The following SLC24A2 variants were observed in gnomAD, a reference collection of about 807,000 sequenced individuals.
SLC24A2 encodes the protein sodium/potassium/calcium exchanger 2.
A neutral mutation model predicts 62.0 loss-of-function variants in SLC24A2; 36 were observed. The ratio of observed to expected loss-of-function variants is 0.58; its 90% CI spans 0.44 to 0.77. The LOEUF (loss-of-function observed/expected upper bound fraction) is 0.77. Ranked by LOEUF, SLC24A2 falls within the 30% of genes least tolerant of loss-of-function variation. SLC24A2 has a pLI of 0.00. For missense variants in SLC24A2, 846 were observed against 817.9 expected (o/e 1.03, Z -0.42); for synonymous variants, 358 against 294.0 (o/e 1.22, Z -2.23).
chr9:20,092,200 C>T, the SLC24A2 span, among the ~76,000 whole-genome samples: 63 of 152,304 alleles, frequency 4.1e-4, 1 homozygote, highest in African/African-American at 1.5e-3. Context: ...ATGAGTTTAC[C>T]TGTGTAACAA....
At chr9:20,197,661 G>T in the SLC24A2 span, among the ~76,000 whole-genome samples, 10 of 151,874 alleles carry the variant, frequency 6.6e-5, no homozygotes, top group African/African-American at 2.4e-4. Flanking sequence ...TGAACTCCTG[G>T]CCTCAAGTGA....
chr9:19,897,462 G>A, the SLC24A2 span, among the ~76,000 whole-genome samples: 41 of 151,968 alleles, frequency 2.7e-4, no homozygotes, highest in Admixed American at 7.2e-4. Flanking sequence ...CAAACCCAGA[G>A]CAATCACAAT....
intron 2 of SLC24A2, among the ~76,000 whole-genome samples, chr9:19,667,178 A>C (rs1368870361): frequency 6.6e-6 from 1 of 152,218 alleles, no homozygotes; most frequent in Non-Finnish European, 1.5e-5. Flanking sequence ...TAACGAAAGA[A>C]AGAAGTTGCT....
intron 2 of SLC24A2, among the ~76,000 whole-genome samples, chr9:19,664,756 G>T (rs1819200627): frequency 6.6e-6 from 1 of 152,172 alleles, no homozygotes; most frequent in South Asian, 2.1e-4. Context: ...AAGGCCATAT[G>T]ATGATAGAGG....
the SLC24A2 span, among the ~76,000 whole-genome samples, chr9:19,959,410 A>C: frequency 2.6e-5 from 4 of 152,214 alleles, no homozygotes; most frequent in Admixed American, 1.3e-4. Context: ...GAGTCAAGCG[A>C]TGATCACTCT....
chr9:19,784,832 C>T (rs1359184895), intron 2 of SLC24A2, among the ~76,000 whole-genome samples: 1 of 152,116 alleles, frequency 6.6e-6, no homozygotes, highest in African/African-American at 2.4e-5. Flanking sequence ...TTTTATCCTG[C>T]CCTTTGCTTC....
At chr9:19,557,122 C>G (rs62561741) in intron 7 of SLC24A2, among the ~76,000 whole-genome samples, 3 of 152,068 alleles carry the variant, frequency 2.0e-5, no homozygotes, top group Non-Finnish European at 4.4e-5. Flanking sequence ...CCTGAGTAAC[C>G]CCTAAGTCCC....
the SLC24A2 span, among the ~76,000 whole-genome samples, chr9:20,248,501 T>C: frequency 2.6e-5 from 4 of 152,174 alleles, no homozygotes; most frequent in Non-Finnish European, 4.4e-5. Flanking sequence ...CTTCCTGCTG[T>C]GTCCTCACAT....
chr9:19,774,326 A>C (rs76935953), intron 2 of SLC24A2, among the ~76,000 whole-genome samples: 1,881 of 152,308 alleles, frequency 0.012, 45 homozygotes, highest in African/African-American at 0.043. Context: ...ACACAAGCCC[A>C]GAGAGGTTAA....
chr9:19,934,471 A>T, the SLC24A2 span, among the ~76,000 whole-genome samples: 1 of 151,046 alleles, frequency 6.6e-6, no homozygotes, highest in Non-Finnish European at 1.5e-5. This position sits in a 1 kb window ranked among gnomAD's most constrained non-coding sequence, Gnocchi z 4.1. Context: ...ACCCCAAGCA[A>T]ATCCTGGCCC....
rs560022238 is a variant in SLC24A2, at chr9:19,547,459, A to G, written c.1479+2678T>C. Among the ~76,000 whole-genome samples, 14 of 152,202 alleles carry G rather than the reference A, an allele frequency of 9.2e-5. No individual in the cohort carries two copies. The South Asian group carries it at 2.7e-3, about 29-fold the overall frequency. The stretch of plus-strand genomic sequence containing the variant: ...ACCCACGTAACGACTGCCTTGATTG[A>G]TTTTTGTTGGTTTTCCAAAAGTTAC... On this transcript the variant is annotated intron_variant, in intron 8 of 10. Coordinates refer to ENST00000341998, the MANE Select transcript of SLC24A2 (RefSeq NM_020344.4).
the SLC24A2 span, among the ~76,000 whole-genome samples, chr9:20,037,609 C>A: frequency 6.6e-6 from 1 of 152,144 alleles, no homozygotes; most frequent in Non-Finnish European, 1.5e-5. Flanking sequence ...GTAAGTGAGT[C>A]AAATGTAAAA....
chr9:20,068,057 CTTTTTTT>C, the SLC24A2 span, among the ~76,000 whole-genome samples: 12 of 89,750 alleles, frequency 1.3e-4, no homozygotes, highest in Non-Finnish European at 2.3e-4. Flanking sequence ...TTTTTTGACT[CTTTTTTT>C]TTTTTTTTTT....
chr9:19,985,099 G>A, the SLC24A2 span, among the ~76,000 whole-genome samples: 1 of 151,912 alleles, frequency 6.6e-6, no homozygotes, highest in Non-Finnish European at 1.5e-5. Flanking sequence ...TGAGGATTTA[G>A]AGCATCTAAA....
the SLC24A2 span, among the ~76,000 whole-genome samples, chr9:20,031,903 C>T: frequency 9.2e-3 from 1,407 of 152,162 alleles, 31 homozygotes; most frequent in African/African-American, 0.032. Context: ...TAGTGTGCAC[C>T]AATTCTAATT....
the SLC24A2 span, among the ~76,000 whole-genome samples, chr9:19,970,134 C>A: frequency 1.3e-5 from 2 of 152,168 alleles, no homozygotes; most frequent in South Asian, 4.1e-4. Context: ...GCCCCCATCA[C>A]CCCTCCACGC....
chr9:20,236,758 G>A, the SLC24A2 span, among the ~76,000 whole-genome samples: 1 of 152,124 alleles, frequency 6.6e-6, no homozygotes, highest in Non-Finnish European at 1.5e-5. Flanking sequence ...CTGAAAAGTA[G>A]AATTCTTTTC....
At position 19,762,392 on chromosome 9, in the gene SLC24A2, G is replaced by C. The variant is rs571509781; in HGVS notation, c.930+23545C>G. Among the ~76,000 whole-genome samples, 6 of 152,266 alleles carry C rather than the reference G, an allele frequency of 3.9e-5. No homozygotes were observed. The South Asian group carries it at 1.2e-3, about 32-fold the overall frequency. On this transcript the variant is annotated intron_variant, in intron 2 of 10. Transcript: ENST00000341998. ...TCATGAAGTCTTTGCCCATGCCTAT[G>C]TCCTGAATGGTATTGCCTAGGTTTT...
At chr9:19,911,953 C>A in the SLC24A2 span, among the ~76,000 whole-genome samples, 3 of 152,198 alleles carry the variant, frequency 2.0e-5, no homozygotes, top group South Asian at 2.1e-4. Context: ...TGCCATTGAG[C>A]CTTTTAGTGT....
Sources: gnomAD v4.1 joint callset for allele counts (sites outside exome capture counted in the v4.1 genomes callset) on GRCh38, gnomAD v4.1.1 for gene constraint, Gnocchi (gnomAD v3.1) non-coding constraint, MANE v1.5 for transcripts, NCBI Gene and HGNC (gene_info 2026-07-23, HGNC 2026-07-21) for gene names.